Variants in RNF213 observed in about 807,000 individuals in gnomAD.
The protein encoded by RNF213 is E3 ubiquitin-protein ligase RNF213.
In RNF213, 341 loss-of-function variants were observed where a neutral mutation model predicts 514.4. The ratio of observed to expected loss-of-function variants is 0.66; its 90% confidence interval spans 0.61 to 0.73. The LOEUF (loss-of-function observed/expected upper bound fraction) is 0.73. Ranked by LOEUF, RNF213 falls within the 30% of genes least tolerant of loss-of-function variation. The pLI is 0.00. For missense variants in RNF213, 5,767 were observed against 6,615.6 expected (o/e 0.87, Z 4.45); for synonymous variants, 2,655 against 2,658.2 (o/e 1.00, Z 0.04).
chr17:80,282,141 G>C (rs549902359), intron 3 of RNF213, among the ~76,000 whole-genome samples: 2 of 152,282 alleles, frequency 1.3e-5, no homozygotes, highest in Non-Finnish European at 2.9e-5. Context: ...ACAGGCCTGA[G>C]CCACTGAGGC....
intron 2 of RNF213, among the ~76,000 whole-genome samples, chr17:80,272,178 G>C (rs2043845777): frequency 6.6e-6 from 1 of 150,404 alleles, no homozygotes; most frequent in Non-Finnish European, 1.5e-5. Flanking sequence ...CAGCTACTTG[G>C]GAGGCCGAGG....
rs938420999 is a variant in RNF213 at position 80,354,037 on chromosome 17, A to G, written c.10597A>G (p.Thr3533Ala). 18 of 1,613,768 alleles carry G rather than the reference A, an allele frequency of 1.1e-5. No individual in the cohort carries two copies. Among genetic ancestry groups the G allele is most frequent in the African/African-American group, 4.0e-5 (3 of 74,942 alleles). The stretch of plus-strand genomic sequence containing the variant: ...CCAACAGGTGTCGATCCTGGACACC[A>G]CCAGGCTGCTGAGAAGCTGTGTGCA... The part of the protein sequence containing the change: ...GGSDVSILDT[T>A]RLLRSCVQSA... The change falls in exon 35 of 68, where the codon ACC becomes GCC. Residue 3533 changes from threonine to alanine, a missense_variant. Thr to Ala is a moderately conservative substitution (Grantham distance 58, BLOSUM62 0). Transcript: ENST00000582970.
In RNF213 at chr17:80,354,545, C is replaced by G; in HGVS notation, c.10831C>G (p.Gln3611Glu). Residue 3611 changes from glutamine (Q) to glutamate (E), a missense_variant, in exon 36 of 68, where the codon CAG becomes GAG. Physicochemically the swap from Gln to Glu is conservative, Grantham distance 29 (BLOSUM62 2). Around this residue, in one of 13 missense-constraint regions of RNF213, gnomAD observed 919 missense variants for 1,121.0 expected, o/e 0.82. Coordinates refer to ENST00000582970, the MANE Select transcript of RNF213 (RefSeq NM_001256071.3). ...LEWLAREACN[Q>E]DALQEAGTFR... Reference sequence around the variant, plus strand: ...GTGGTTGGCAAGGGAAGCCTGCAACCAGGACGCTCTCCAGGAGGCGGGCAC... The same window carrying G: ...GTGGTTGGCAAGGGAAGCCTGCAACGAGGACGCTCTCCAGGAGGCGGGCAC... 1 of 1,614,196 alleles carries G rather than the reference C, an allele frequency of 6.2e-7. No homozygotes were observed. Among genetic ancestry groups the G allele is most frequent in the African/African-American group, 1.3e-5 (1 of 75,054 alleles).
intron 13 of RNF213, 133 bp downstream of exon 13, chr17:80,307,334 T>A: frequency 1.4e-6 from 1 of 710,708 alleles, no homozygotes; most frequent in Non-Finnish European, 2.5e-6. Flanking sequence ...GGCCCACTTC[T>A]CTTCTCAGGT....
At chr17:80,281,636 C>G (rs113540778) in intron 3 of RNF213, among the ~76,000 whole-genome samples, 2 of 119,112 alleles carry the variant, frequency 1.7e-5, no homozygotes, top group African/African-American at 5.9e-5. Context: ...ACCCCCAACA[C>G]ACACTCCCCA....
rs866156580 is a variant in RNF213 at position 80,290,356 on chromosome 17, T to C, written c.1113-214T>C. Among the ~76,000 whole-genome samples the C allele has an allele frequency of 1.5e-4, 23 of 151,566 alleles. No individual in the cohort carries two copies. In the South Asian group the frequency reaches 3.3e-3, roughly 22 times the overall value. On this transcript the variant is annotated intron_variant, in intron 6 of 67. Coordinates refer to ENST00000582970, the MANE Select transcript of RNF213 (RefSeq NM_001256071.3). ...GTGCGCACGTGTGTGCGTGTGCATG[T>C]ATGTGTGCGTGTGTGAGTGCGTGCA... is the stretch of plus-strand genomic sequence containing the variant.
Position 80,287,880 on chromosome 17 carries a change from C to T in RNF213, c.327C>T (p.Ser109=). ...AGTCCGCTTCCTCAGAGCTGGCTTC[C>T]TTGCCCCTTTCTCCTGCCAGCCCCT... ...GNKSASSELA[S]LPLSPASPCH... Residue 109 remains serine (S), a synonymous_variant, in exon 4 of 68, where the codon TCC becomes TCT. Coordinates refer to ENST00000582970, the MANE Select transcript of RNF213 (RefSeq NM_001256071.3). 1.3e-6 allele frequency: 2 copies of T among 1,592,914 alleles called. No homozygotes were observed. The highest frequency in any genetic ancestry group is 1.7e-4 in the Middle Eastern group (1 of 6,042).
At chr17:80,385,454 C>T in intron 60 of RNF213, 84 bp from the exon 61 acceptor site, 1 of 1,221,344 alleles carries the variant, frequency 8.2e-7, no homozygotes, top group South Asian at 1.2e-5. Flanking sequence ...AAGATGGGCT[C>T]TCGGCAGAGC....
Position 80,368,140 on chromosome 17 carries a change from A to G in RNF213, c.12152A>G (p.His4051Arg). 3 of 1,614,204 alleles carry G rather than the reference A, an allele frequency of 1.9e-6. No homozygotes were observed. The highest frequency in any genetic ancestry group is 2.5e-6 in the Non-Finnish European group (3 of 1,179,994). ...DEFSPAVSQA[H>R]REAIEKHARF... ...TTCTCTCCAGCTGTTTCCCAAGCGC[A>G]CAGGTACAACACCCTTTCTCTCAAG... Residue 4051 changes from histidine (H) to arginine (R), a missense_variant, in exon 44 of 68, where the codon CAC (histidine) becomes CGC (arginine). Around this residue, in one of 13 missense-constraint regions of RNF213, gnomAD observed 93 missense variants for 95.6 expected, o/e 0.97. Coordinates refer to ENST00000582970, the MANE Select transcript of RNF213 (RefSeq NM_001256071.3).
At chr17:80,323,948 G>A (rs1318040920) in intron 17 of RNF213, among the ~76,000 whole-genome samples, 2 of 151,952 alleles carry the variant, frequency 1.3e-5, no homozygotes. Flanking sequence ...CAACATTGCT[G>A]AGCTCATTTG....
intron 2 of RNF213, among the ~76,000 whole-genome samples, chr17:80,265,805 C>A (rs1371885870): frequency 6.6e-6 from 1 of 152,160 alleles, no homozygotes; most frequent in African/African-American, 2.4e-5. Context: ...TGCCGTGGTT[C>A]ACACCTACAA....
At position 80,394,081 on chromosome 17, in the gene RNF213, C is replaced by T. The variant is rs755973119; in HGVS notation, c.*583C>T. The T allele has an allele frequency of 1.9e-5, 3 of 154,884 alleles. No individual in the cohort carries two copies. The highest frequency in any genetic ancestry group is 6.3e-5 in the Admixed American group (1 of 15,880). 9.6% of individuals were successfully genotyped at this position (154,884 alleles called of 1,614,324 possible). The stretch of plus-strand genomic sequence containing the variant: ...GATCAAACTAACAAGATCTGACCCT[C>T]TCCCCTCACAGTGAGCCACTGCCCC... On this transcript the variant is annotated 3_prime_UTR_variant, in exon 68 of 68. Coordinates refer to ENST00000582970, the MANE Select transcript of RNF213 (RefSeq NM_001256071.3).
intron 3 of RNF213, among the ~76,000 whole-genome samples, chr17:80,281,810 G>A (rs942899412): frequency 3.3e-5 from 5 of 152,168 alleles, no homozygotes; most frequent in Admixed American, 1.3e-4. Flanking sequence ...ATGAAACGGC[G>A]TGGCATTGGT....
chr17:80,353,180 C>A lies in RNF213; in HGVS notation c.10423+121C>A. ...ACCGTGTTTCGTCCCTCGGCAGGAG[C>A]TCGGGGACACATCTGCAGAACTGAC... On this transcript the variant is annotated intron_variant, in intron 33 of 67. Transcript: ENST00000582970. This position sits in a 1 kb window ranked among gnomAD's most constrained non-coding sequence, Gnocchi z 5.0. The A allele has an allele frequency of 1.5e-6, 2 of 1,352,686 alleles. No individual in the cohort carries two copies. Among genetic ancestry groups the A allele is most frequent in the Non-Finnish European group, 1.0e-6 (1 of 966,126 alleles). The allele number at this position is 1,352,686 out of a possible 1,614,324, so 83.8% of individuals were successfully genotyped here.
At chr17:80,325,717 GGA>G (rs905312367) in intron 18 of RNF213, among the ~76,000 whole-genome samples, 9 of 151,900 alleles carry the variant, frequency 5.9e-5, no homozygotes, top group South Asian at 2.1e-4. Flanking sequence ...GGTCAAGGAG[GGA>G]GAGAGAGAGA....
intron 39 of RNF213, among the ~76,000 whole-genome samples, chr17:80,362,094 G>C (rs1246364918): frequency 6.6e-6 from 1 of 152,198 alleles, no homozygotes; most frequent in Non-Finnish European, 1.5e-5. Context: ...CCACCGCCCA[G>C]GGGCTCCTAA....
intron 62 of RNF213, 30 bp downstream of exon 62, chr17:80,386,460 C>A (rs1176481699): frequency 1.2e-6 from 2 of 1,610,064 alleles, no homozygotes; most frequent in Non-Finnish European, 1.7e-6. Flanking sequence ...GGAAGTGGTG[C>A]CTGCTCAGCC....
rs548659875 is a variant in RNF213, at chr17:80,335,194, G to A, written c.4309+924G>A. ...CATCTCAGCCTCCCAAAGTGCAGGC[G>A]TGAGCAAGTACAGGCGTGAGCCACC... On this transcript the variant is annotated intron_variant, in intron 22 of 67. Coordinates refer to ENST00000582970, the MANE Select transcript of RNF213 (RefSeq NM_001256071.3). Among the ~76,000 whole-genome samples the A allele has an allele frequency of 3.3e-5, 5 of 152,208 alleles. No individual in the cohort carries two copies. In the South Asian group the frequency reaches 6.2e-4, roughly 19 times the overall value.
At chr17:80,275,748 TG>T (rs1480198903) in intron 3 of RNF213, among the ~76,000 whole-genome samples, 1 of 152,106 alleles carries the variant, frequency 6.6e-6, no homozygotes. Context: ...CTGCAACCTT[TG>T]CCTCCCAGGT....
Sources: gnomAD v4.1 joint callset for allele counts (sites outside exome capture counted in the v4.1 genomes callset) on GRCh38, gnomAD v4.1.1 for gene constraint, gnomAD v4.1.1 regional missense constraint, Gnocchi (gnomAD v3.1) non-coding constraint, MANE v1.5 for transcripts, NCBI Gene and HGNC (gene_info 2026-07-23, HGNC 2026-07-21) for gene names.